PDE5A: variants seen among roughly 807,000 people sequenced by gnomAD.
PDE5A encodes the protein phosphodiesterase 5A, also known as cGMP-specific 3',5'-cyclic phosphodiesterase.
In PDE5A, 67 loss-of-function variants were observed where a neutral mutation model predicts 110.2. The ratio of observed to expected loss-of-function variants is 0.61; its 90% CI spans 0.50 to 0.75. The LOEUF is 0.75. Among genes scored for constraint, PDE5A ranks in the 30% least tolerant of loss-of-function variants. The pLI, the probability that PDE5A is intolerant of heterozygous loss-of-function variation, is 0.00. For missense variants in PDE5A, 862 were observed against 1,045.1 expected (o/e 0.82, Z 2.42); for synonymous variants, 328 against 351.2 (o/e 0.93, Z 0.74).
Position 119,561,435 on chromosome 4 carries a change from C to T in PDE5A, c.1132-1072G>A, listed in dbSNP as rs536796683. On this transcript the variant is annotated intron_variant, in intron 6 of 20. Transcript: ENST00000354960. ...AAATATCTTAATAAGCATATTGTTG[C>T]GCTATACTTCCAAGTAGCACTGATC... Among the ~76,000 whole-genome samples the T allele has an allele frequency of 5.3e-5, 8 of 152,222 alleles. No individual in the cohort carries two copies. In the East Asian group the frequency reaches 1.4e-3, roughly 26 times the overall value.
At chr4:119,625,011 CTTT>C (rs536749949) in intron 1 of PDE5A, among the ~76,000 whole-genome samples, 8 of 139,262 alleles carry the variant, frequency 5.7e-5, no homozygotes, top group African/African-American at 1.1e-4. Flanking sequence ...CAAGTTATAG[CTTT>C]TTTTTTTTTT....
intron 3 of PDE5A, among the ~76,000 whole-genome samples, chr4:119,592,456 TAA>T (rs55997249): frequency 1.5e-5 from 1 of 66,184 alleles, no homozygotes; most frequent in African/African-American, 6.5e-5. Flanking sequence ...AGACTCTGTT[TAA>T]AAAAAAAAAA....
At chr4:119,524,238 C>T (rs985649504) in intron 12 of PDE5A, among the ~76,000 whole-genome samples, 4 of 152,004 alleles carry the variant, frequency 2.6e-5, no homozygotes, top group South Asian at 2.1e-4. Flanking sequence ...AATTGCCCAA[C>T]GAAAAAAGAG....
At chr4:119,550,176 C>T (rs185037025) in intron 9 of PDE5A, 7 of 152,274 alleles carry the variant, frequency 4.6e-5, no homozygotes, top group Admixed American at 3.9e-4. Flanking sequence ...TTGGGATCTA[C>T]TTGAGAACCT....
chr4:119,624,525 T>A (rs1328853467), intron 1 of PDE5A, among the ~76,000 whole-genome samples: 1 of 152,182 alleles, frequency 6.6e-6, no homozygotes, highest in African/African-American at 2.4e-5. Context: ...GTGTAAAACG[T>A]CTGTTTCTGG....
In PDE5A at chr4:119,616,537, T is replaced by C. The variant is rs528038045; in HGVS notation, c.153-9240A>G. 2.0e-5 allele frequency among the ~76,000 whole-genome samples: 3 copies of C among 152,302 alleles called. No homozygotes were observed. The South Asian group carries it at 6.2e-4, about 32-fold the overall frequency. On this transcript the variant is annotated intron_variant, in intron 1 of 20. Transcript: ENST00000354960. ...TAAAAATCAGTGTCATTAAGCATAA[T>C]GTTTAACACATTTTGATTTCATGAA...
At chr4:119,521,210 C>T (rs1726116605) in intron 12 of PDE5A, 150 bp from the exon 13 acceptor site, 4 of 832,468 alleles carry the variant, frequency 4.8e-6, no homozygotes, top group Non-Finnish European at 7.2e-6. Flanking sequence ...AGAGAGGTAA[C>T]TTGCTGAAGG....
chr4:119,509,195 T>C (rs1383466606), intron 15 of PDE5A, among the ~76,000 whole-genome samples: 1 of 152,054 alleles, frequency 6.6e-6, no homozygotes, highest in Non-Finnish European at 1.5e-5. Context: ...ACTCAAAACC[T>C]ATGCAACTTT....
intron 3 of PDE5A, among the ~76,000 whole-genome samples, chr4:119,568,371 C>T (rs946295741): frequency 6.6e-5 from 10 of 152,020 alleles, no homozygotes; most frequent in Non-Finnish European, 8.8e-5. Flanking sequence ...CGAATGTTCA[C>T]GGGAACTATA....
At position 119,525,797 on chromosome 4, in the gene PDE5A, T is replaced by A. The variant is rs1726296173; in HGVS notation, c.1633-102A>T. ...TGCAGAGAAATAGCATATTGTGGCT[T>A]TTTTTTCCTTTTTAATGAAAGACAC... On this transcript the variant is annotated intron_variant, in intron 11 of 20. Transcript: ENST00000354960. The surrounding 1 kb of genome is among the most constrained non-coding windows in gnomAD (Gnocchi z 4.3). 8.6e-7 allele frequency: 1 copy of A among 1,158,800 alleles called. No individual in the cohort carries two copies. The highest frequency in any genetic ancestry group is 2.5e-5 in the Admixed American group (1 of 39,440). The allele number at this position is 1,158,800 out of a possible 1,614,324, so 71.8% of individuals were successfully genotyped here. A position where few individuals can be genotyped will look rare whatever the true frequency, so the allele number is the denominator to read the frequency against.
chr4:119,535,222 G>A (rs777235178), intron 11 of PDE5A, among the ~76,000 whole-genome samples: 1 of 152,116 alleles, frequency 6.6e-6, no homozygotes, highest in South Asian at 2.1e-4. Context: ...CATTTATTTA[G>A]TACAGATTTA....
At chr4:119,508,557 T>C (rs889078125) in intron 15 of PDE5A, among the ~76,000 whole-genome samples, 2 of 151,982 alleles carry the variant, frequency 1.3e-5, no homozygotes, top group African/African-American at 4.8e-5. Flanking sequence ...TCTGGGTATG[T>C]TAGGCTGGGG....
At chr4:119,604,579 T>C (rs1388919764) in intron 2 of PDE5A, among the ~76,000 whole-genome samples, 2 of 152,176 alleles carry the variant, frequency 1.3e-5, no homozygotes, top group Non-Finnish European at 2.9e-5. Context: ...AGAGATACTC[T>C]ATGAAGACCA....
At chr4:119,624,045 A>G (rs758324128) in intron 1 of PDE5A, among the ~76,000 whole-genome samples, 4 of 152,166 alleles carry the variant, frequency 2.6e-5, no homozygotes, top group African/African-American at 9.7e-5. Context: ...AATCCAGAAG[A>G]GTGCTTCAAG....
chr4:119,540,752 T>C (rs1383223927), intron 10 of PDE5A, among the ~76,000 whole-genome samples: 1 of 152,200 alleles, frequency 6.6e-6, no homozygotes, highest in African/African-American at 2.4e-5. Flanking sequence ...GTTATTAGAA[T>C]GATCACAACT....
rs1376822613 is a variant in PDE5A at position 119,606,950 on chromosome 4, G to A, written c.500C>T (p.Ala167Val). The change falls in exon 2 of 21, where the codon GCC (alanine) becomes GTC (valine). Residue 167 changes from alanine to valine, a missense_variant. Ala to Val is a moderately conservative substitution (Grantham distance 64). Coordinates refer to ENST00000354960, the MANE Select transcript of PDE5A (RefSeq NM_001083.4). ...KDISSHLDVT[A>V]LCHKIFLHIH... is the part of the protein sequence containing the mutation. ...ATGCAAGAAAATTTTGTGACATAAG[G>A]CTGTGACATCCAAATGACTAGAAAT... 4 of 1,614,016 alleles carry A rather than the reference G, an allele frequency of 2.5e-6. No individual in the cohort carries two copies. The African/African-American group carries it at 5.3e-5, about 22-fold the overall frequency.
chr4:119,496,604 A>G lies in PDE5A; in HGVS notation c.*1997T>C, dbSNP rs1055709635. 13 of 152,626 alleles carry G rather than the reference A, an allele frequency of 8.5e-5. 1 individual carries two copies. The highest frequency in any genetic ancestry group is 8.5e-4 in the Admixed American group (13 of 15,272). 9.5% of individuals were successfully genotyped at this position (152,626 alleles called of 1,614,324 possible). A position where few individuals can be genotyped will look rare whatever the true frequency, so the allele number is the denominator to read the frequency against. ...AGGGGACCAAACAAACTACTAAAGC[A>G]TAAGTACATATTTTAGCATAACTGC... On this transcript the variant is annotated 3_prime_UTR_variant, in exon 21 of 21. Coordinates refer to ENST00000354960, the MANE Select transcript of PDE5A (RefSeq NM_001083.4).
Position 119,525,419 on chromosome 4 carries a change from A to T in PDE5A, c.1779+130T>A. On this transcript the variant is annotated intron_variant, in intron 12 of 20. Coordinates refer to ENST00000354960, the MANE Select transcript of PDE5A (RefSeq NM_001083.4). This position sits in a 1 kb window ranked among gnomAD's most constrained non-coding sequence, Gnocchi z 4.3. ...TCTTTAAAAGTCTCGGGTATATATT[A>T]GGTGACAGTATATTAATCACTAAAA... 1 of 776,466 alleles carries T rather than the reference A, an allele frequency of 1.3e-6. No individual in the cohort carries two copies. The highest frequency in any genetic ancestry group is 2.0e-6 in the Non-Finnish European group (1 of 505,572). The allele number at this position is 776,466 out of a possible 1,614,324, so 48.1% of individuals were successfully genotyped here.
At chr4:119,516,778 C>T (rs183805874) in intron 14 of PDE5A, among the ~76,000 whole-genome samples, 53 of 152,242 alleles carry the variant, frequency 3.5e-4, no homozygotes, top group African/African-American at 1.2e-3. Context: ...CCACCACACC[C>T]GGCTAATGTT....
Sources: allele counts gnomAD v4.1 joint callset (sites outside exome capture counted in the v4.1 genomes callset), GRCh38; gene constraint gnomAD v4.1.1; non-coding constraint Gnocchi (gnomAD v3.1); transcripts MANE v1.5; gene names NCBI Gene and HGNC (gene_info 2026-07-23, HGNC 2026-07-21).